RTN3: variants seen among roughly 807,000 people sequenced by gnomAD.
RTN3 encodes reticulon-3.
RTN3 carries 49 observed loss-of-function variants against 77.8 expected under a neutral mutation model. The ratio of observed to expected loss-of-function variants is 0.63; its 90% confidence interval spans 0.50 to 0.80. RTN3 has a LOEUF of 0.80. Among genes scored for constraint, RTN3 ranks in the 30% least tolerant of loss-of-function variants. RTN3 has a pLI of 0.00. For missense variants in RTN3, 1,236 were observed against 1,211.9 expected (o/e 1.02, Z -0.29); for synonymous variants, 464 against 446.9 (o/e 1.04, Z -0.48).
intron 8 of RTN3, among the ~76,000 whole-genome samples, chr11:63,757,410 G>T (rs1215659982): frequency 1.3e-5 from 2 of 152,052 alleles, no homozygotes; most frequent in Non-Finnish European, 2.9e-5. Flanking sequence ...AAGTGCAGTG[G>T]CACAAGCTGA....
At chr11:63,690,784 C>T (rs768544629) in intron 1 of RTN3, among the ~76,000 whole-genome samples, 54 of 152,194 alleles carry the variant, frequency 3.5e-4, no homozygotes, top group Admixed American at 9.8e-4. Flanking sequence ...TCTTAACATG[C>T]TTTCACAACA....
At chr11:63,729,035 G>A (rs2012487398) in intron 3 of RTN3, among the ~76,000 whole-genome samples, 1 of 150,840 alleles carries the variant, frequency 6.6e-6, no homozygotes, top group South Asian at 2.1e-4. Context: ...GCCCAACAGG[G>A]AAAAAAAACC....
Position 63,720,324 on chromosome 11 carries a change from A to T in RTN3, c.1822A>T (p.Asn608Tyr). Residue 608 changes from asparagine (N) to tyrosine (Y), a missense_variant, in exon 3 of 9, where the codon AAC (asparagine) becomes TAC (tyrosine). Asn to Tyr is a moderately radical substitution (Grantham distance 143). Around this residue, in one of 3 missense-constraint regions of RTN3, gnomAD observed 1,056 missense variants for 990.4 expected, o/e 1.07. Transcript: ENST00000377819. ...VAPEKPITTENPKLPSTVSPN... is the reference protein window; with the variant it reads ...VAPEKPITTEYPKLPSTVSPN... ...TCCTGAAAAGCCTATTACTACTGAG[A>T]ACCCCAAACTTCCTTCAACAGTGTC... 1.2e-6 allele frequency: 2 copies of T among 1,613,932 alleles called. No homozygotes were observed. Among genetic ancestry groups the T allele is most frequent in the Non-Finnish European group, 1.7e-6 (2 of 1,179,916 alleles).
chr11:63,707,240 A>AAACGGTGT lies in RTN3; in HGVS notation c.199+2345_199+2352dup, dbSNP rs368834439. Among the ~76,000 whole-genome samples the AAACGGTGT allele has an allele frequency of 8.6e-3, 1,303 of 152,228 alleles. 7 individuals carry two copies. Among genetic ancestry groups the AAACGGTGT allele is most frequent in the Non-Finnish European group, 0.014 (924 of 68,008 alleles). ...ATAGAAAAGGGATAGTTGATACTCT[A>AAACGGTGT]AACGGTGTAACGGTGTAACCCATGG... On this transcript the variant is annotated intron_variant, in intron 2 of 8. Coordinates refer to ENST00000377819, the MANE Select transcript of RTN3 (RefSeq NM_001265589.2).
chr11:63,692,623 T>A (rs1431704334), intron 1 of RTN3, among the ~76,000 whole-genome samples: 1 of 151,966 alleles, frequency 6.6e-6, no homozygotes, highest in Non-Finnish European at 1.5e-5. Context: ...TAGCTGGGCG[T>A]GGTGGCATGC....
intron 3 of RTN3, among the ~76,000 whole-genome samples, chr11:63,727,816 A>C (rs192686929): frequency 6.6e-6 from 1 of 152,288 alleles, no homozygotes; most frequent in East Asian, 1.9e-4. Context: ...TCCTAGCAGG[A>C]GAGGAAAGTG....
At position 63,719,710 on chromosome 11, in the gene RTN3, G is replaced by T. The variant is rs1250232213; in HGVS notation, c.1208G>T (p.Gly403Val). The change falls in exon 3 of 9, where the codon GGT becomes GTT. Residue 403 changes from glycine (G) to valine (V), a missense_variant. Physicochemically the swap from Gly to Val is moderately radical, Grantham distance 109. Transcript: ENST00000377819. The part of the protein sequence containing the change: ...DGSTPITKST[G>V]DWAEASLQQE... ...AGCACTCCCATCACTAAATCAACAG[G>T]TGATTGGGCAGAAGCATCTCTCCAG... 3 of 1,614,092 alleles carry T rather than the reference G, an allele frequency of 1.9e-6. No individual in the cohort carries two copies. The highest frequency in any genetic ancestry group is 2.5e-6 in the Non-Finnish European group (3 of 1,180,014).
At position 63,704,714 on chromosome 11, in the gene RTN3, A is replaced by G. The variant is rs555221308; in HGVS notation, c.143-137A>G. ...AGGTGAGTGAAAACAATAATTGGAAATAAAGATTTGAGTTTTCCTCCTTGT... is the reference window on the plus strand; with the variant it reads ...AGGTGAGTGAAAACAATAATTGGAAGTAAAGATTTGAGTTTTCCTCCTTGT... On this transcript the variant is annotated intron_variant, in intron 1 of 8. Coordinates refer to ENST00000377819, the MANE Select transcript of RTN3 (RefSeq NM_001265589.2). 1.1e-5 allele frequency: 6 copies of G among 567,038 alleles called. 1 individual carries two copies. Among genetic ancestry groups the G allele is most frequent in the South Asian group, 8.3e-5 (3 of 36,362 alleles). The allele number at this position is 567,038 out of a possible 1,614,324, so 35.1% of individuals were successfully genotyped here.
At chr11:63,733,393 G>A (rs2012834112) in intron 3 of RTN3, among the ~76,000 whole-genome samples, 1 of 152,140 alleles carries the variant, frequency 6.6e-6, no homozygotes, top group Non-Finnish European at 1.5e-5. Flanking sequence ...GGAGGCTGAG[G>A]CAGGAGAATC....
chr11:63,699,674 C>G (rs962434113), intron 1 of RTN3, among the ~76,000 whole-genome samples: 1 of 152,294 alleles, frequency 6.6e-6, no homozygotes, highest in Middle Eastern at 3.4e-3. Context: ...TTCCTTCTCC[C>G]CAGAATGCCT....
chr11:63,742,283 T>C (rs2013532637), intron 3 of RTN3, among the ~76,000 whole-genome samples: 2 of 150,154 alleles, frequency 1.3e-5, no homozygotes, highest in South Asian at 2.1e-4. Flanking sequence ...CTTGCCTGGC[T>C]CTTCTAGGTT....
At chr11:63,706,545 A>G (rs528823380) in intron 2 of RTN3, among the ~76,000 whole-genome samples, 2 of 152,184 alleles carry the variant, frequency 1.3e-5, no homozygotes, top group East Asian at 3.9e-4. Flanking sequence ...AGAACCCCCA[A>G]TTCCTTTATA....
intron 1 of RTN3, among the ~76,000 whole-genome samples, chr11:63,691,683 A>T (rs1347095197): frequency 1.3e-5 from 2 of 152,178 alleles, no homozygotes; most frequent in Admixed American, 6.5e-5. Flanking sequence ...TCTGTCCCTC[A>T]TAGAAGCCAT....
At position 63,720,615 on chromosome 11, in the gene RTN3, G is replaced by C; in HGVS notation, c.2113G>C (p.Asp705His). The part of the protein sequence containing the change: ...ENESGGSEIK[D>H]IGSKYSEQSK... Reference sequence around the variant, plus strand: ...TGAGTCCGGTGGTTCTGAAATTAAAGACATTGGAAGCAAATACAGTGAACA... The same window carrying C: ...TGAGTCCGGTGGTTCTGAAATTAAACACATTGGAAGCAAATACAGTGAACA... The change falls in exon 3 of 9, where the codon GAC (aspartate) becomes CAC (histidine). Residue 705 changes from aspartate (D) to histidine (H), a missense_variant. Physicochemically the swap from Asp to His is moderately conservative, Grantham distance 81. Transcript: ENST00000377819. 5 of 1,613,806 alleles carry C rather than the reference G, an allele frequency of 3.1e-6. No homozygotes were observed. Among genetic ancestry groups the C allele is most frequent in the Non-Finnish European group, 4.2e-6 (5 of 1,179,958 alleles).
In RTN3 at chr11:63,720,053, C is replaced by G. The variant is rs761607739; in HGVS notation, c.1551C>G (p.Asn517Lys). 14 of 1,614,034 alleles carry G rather than the reference C, an allele frequency of 8.7e-6. No individual in the cohort carries two copies. The East Asian group carries it at 2.5e-4, about 28-fold the overall frequency. Reference protein sequence around the residue: ...DITADTSFENNKIQAEKPVSI... With the variant: ...DITADTSFENKKIQAEKPVSI... ...CAGCAGATACATCATTTGAAAATAACAAAATTCAGGCTGAAAAACCTGTTT... is the reference window on the plus strand; with the variant it reads ...CAGCAGATACATCATTTGAAAATAAGAAAATTCAGGCTGAAAAACCTGTTT... The change falls in exon 3 of 9, where the codon AAC becomes AAG. Residue 517 changes from asparagine to lysine, a missense_variant. Transcript: ENST00000377819.
At chr11:63,692,278 C>T (rs1024251747) in intron 1 of RTN3, among the ~76,000 whole-genome samples, 4 of 152,162 alleles carry the variant, frequency 2.6e-5, no homozygotes, top group Non-Finnish European at 5.9e-5. Flanking sequence ...CAACCTCGGC[C>T]TCCAAAAGTG....
Position 63,759,242 on chromosome 11 carries a change from G to A in RTN3, c.*1041G>A, listed in dbSNP as rs534890811. The A allele has an allele frequency of 2.0e-5, 3 of 152,140 alleles. No homozygotes were observed. In the East Asian group the frequency reaches 5.8e-4, roughly 29 times the overall value. 9.4% of individuals were successfully genotyped at this position (152,140 alleles called of 1,614,324 possible). On this transcript the variant is annotated 3_prime_UTR_variant, in exon 9 of 9. Transcript: ENST00000377819. ...ATTCAAATCTCCGATTCCCATTTGGGGGCAAGTTTTTTTCTTCACCTTCAA... is the reference window on the plus strand; with the variant it reads ...ATTCAAATCTCCGATTCCCATTTGGAGGCAAGTTTTTTTCTTCACCTTCAA...
chr11:63,754,351 C>G (rs867558218), intron 7 of RTN3, among the ~76,000 whole-genome samples: 1 of 151,966 alleles, frequency 6.6e-6, no homozygotes, highest in East Asian at 1.9e-4. Context: ...GTCAGGAGTT[C>G]GAGACCAGCC....
intron 3 of RTN3, among the ~76,000 whole-genome samples, chr11:63,727,436 G>T (rs888066131): frequency 1.3e-5 from 2 of 152,124 alleles, no homozygotes; most frequent in African/African-American, 4.8e-5. Context: ...AAATATTCTT[G>T]TATTGAATAA....
Sources: gnomAD v4.1 joint callset for allele counts (sites outside exome capture counted in the v4.1 genomes callset) on GRCh38, gnomAD v4.1.1 for gene constraint, gnomAD v4.1.1 regional missense constraint, MANE v1.5 for transcripts, NCBI Gene and HGNC (gene_info 2026-07-23, HGNC 2026-07-21) for gene names.